Variants in TMEM184C observed in about 807,000 individuals in gnomAD.
The protein encoded by TMEM184C is transmembrane protein 34.
In TMEM184C, 25 loss-of-function variants were observed where a neutral mutation model predicts 54.5. The ratio of observed to expected loss-of-function variants is 0.46; its 90% CI spans 0.33 to 0.64. The LOEUF is 0.64. Ranked by LOEUF, TMEM184C falls within the 30% of genes least tolerant of loss-of-function variation. TMEM184C has a pLI of 0.02. For missense variants in TMEM184C, 335 were observed against 520.3 expected (o/e 0.64, Z 3.46); for synonymous variants, 148 against 181.5 (o/e 0.82, Z 1.49).
chr4:147,629,854 A>C (rs1477849334), intron 6 of TMEM184C, among the ~76,000 whole-genome samples, 162 bp downstream of exon 6: 1 of 151,552 alleles, frequency 6.6e-6, no homozygotes, highest in Non-Finnish European at 1.5e-5. Flanking sequence ...AAAATTTAAT[A>C]TATATCTTAA....
chr4:147,620,160 T>C (rs1486100484), intron 1 of TMEM184C, among the ~76,000 whole-genome samples: 1 of 152,222 alleles, frequency 6.6e-6, no homozygotes, highest in East Asian at 1.9e-4. Flanking sequence ...CTGACTACTC[T>C]ATTTAACATT....
chr4:147,624,539 A>G (rs1732774443), intron 3 of TMEM184C, among the ~76,000 whole-genome samples: 2 of 152,176 alleles, frequency 1.3e-5, no homozygotes, highest in Admixed American at 1.3e-4. Context: ...TAAGAACACA[A>G]GTACTTACTT....
At chr4:147,631,324 T>C in intron 6 of TMEM184C, 69 bp from the exon 7 acceptor site, 1 of 1,169,204 alleles carries the variant, frequency 8.6e-7, no homozygotes, top group South Asian at 1.5e-5. Flanking sequence ...AGGTCTCTGG[T>C]ATGTAACTTT....
chr4:147,623,851 G>T lies in TMEM184C; in HGVS notation c.141G>T (p.Lys47Asn). Residue 47 changes from lysine to asparagine, a missense_variant, in exon 2 of 10, where the codon AAG becomes AAT. Lys to Asn is a moderately conservative substitution (Grantham distance 94, BLOSUM62 0). Transcript: ENST00000296582. Reference sequence around the variant, plus strand: ...TTCTTAAGGTTGGAATACACACCAAGGCTTGGTTTATTGCTGGAATCTTTT... The same window carrying T: ...TTCTTAAGGTTGGAATACACACCAATGCTTGGTTTATTGCTGGAATCTTTT... ...LQKLEVGIHTKAWFIAGIFLL... is the reference protein window; with the variant it reads ...LQKLEVGIHTNAWFIAGIFLL... 6.2e-7 allele frequency: 1 copy of T among 1,613,816 alleles called. No homozygotes were observed. The highest frequency in any genetic ancestry group is 8.5e-7 in the Non-Finnish European group (1 of 1,179,928).
At position 147,624,919 on chromosome 4, in the gene TMEM184C, G is replaced by A. The variant is rs758084153; in HGVS notation, c.407G>A (p.Arg136Gln). ...MGFLTNYLTN[R>Q]YPNLVLILEA... ...TTCCTTACCAATTATCTAACTAACC[G>A]GTATCCAAATCTGGTATTAATCCTT... Residue 136 changes from arginine (R) to glutamine (Q), a missense_variant, in exon 4 of 10, where the codon CGG (arginine) becomes CAG (glutamine). Physicochemically the swap from Arg to Gln is conservative, Grantham distance 43 (BLOSUM62 1). Transcript: ENST00000296582. 1.7e-5 allele frequency: 27 copies of A among 1,613,696 alleles called. No individual in the cohort carries two copies. The highest frequency in any genetic ancestry group is 3.3e-5 in the Admixed American group (2 of 59,994).
chr4:147,621,623 G>A (rs1375227144), intron 1 of TMEM184C, among the ~76,000 whole-genome samples: 3 of 152,076 alleles, frequency 2.0e-5, no homozygotes, highest in African/African-American at 7.2e-5. Context: ...AATTTCTTGT[G>A]CATGTAACTT....
intron 1 of TMEM184C, among the ~76,000 whole-genome samples, chr4:147,623,338 G>T (rs1208093597): frequency 6.6e-6 from 1 of 151,832 alleles, no homozygotes; most frequent in South Asian, 2.1e-4. Flanking sequence ...GGGAGGCTGA[G>T]GCAGGAGAAT....
At chr4:147,628,464 T>C (rs1560953551) in intron 5 of TMEM184C, 29 bp downstream of exon 5, 1 of 1,586,982 alleles carries the variant, frequency 6.3e-7, no homozygotes, top group Non-Finnish European at 8.6e-7. Context: ...TATGAACTTT[T>C]TTTTTCATCC....
chr4:147,624,460 A>G (rs1503862), intron 3 of TMEM184C, among the ~76,000 whole-genome samples: 7 of 152,302 alleles, frequency 4.6e-5, no homozygotes, highest in African/African-American at 1.7e-4. Context: ...TGCTTCTAAT[A>G]TGAGTAAATA....
rs199693141 is a variant in TMEM184C at position 147,621,985 on chromosome 4, C to CTT, written c.124-1847_124-1846dup. ...TGGCAATACTTTTTTTTCTTTTTTT[C>CTT]TTTCTTTTTTTTTTTTTGAGCCAGG... On this transcript the variant is annotated intron_variant, in intron 1 of 9. Transcript: ENST00000296582. 3.4e-4 allele frequency among the ~76,000 whole-genome samples: 18 copies of CTT among 53,266 alleles called. No individual in the cohort carries two copies. The East Asian group carries it at 4.2e-3, about 12-fold the overall frequency. The allele number at this position is 53,266 out of a possible 152,430, so 34.9% of individuals were successfully genotyped here. A position where few individuals can be genotyped will look rare whatever the true frequency, so the allele number is the denominator to read the frequency against.
rs898751318 is a variant in TMEM184C, at chr4:147,629,543, T to C, written c.573-56T>C. On this transcript the variant is annotated intron_variant, in intron 5 of 9. Transcript: ENST00000296582. ...CTAAATTTAAGTATTGCTATTGCTG[T>C]ATTTTGAAGTACGATTTTGATTTAA... 5.4e-6 allele frequency: 7 copies of C among 1,301,654 alleles called. No individual in the cohort carries two copies. The South Asian group carries it at 8.0e-5, about 15-fold the overall frequency. The allele number at this position is 1,301,654 out of a possible 1,614,324, so 80.6% of individuals were successfully genotyped here.
In TMEM184C at chr4:147,617,703, A is replaced by C; in HGVS notation, c.-254A>C. On this transcript the variant is annotated 5_prime_UTR_variant, in exon 1 of 10. Coordinates refer to ENST00000296582, the MANE Select transcript of TMEM184C (RefSeq NM_018241.3). ...GGATTCCACCGCAGTACAACCGGGTAGATGCGGGGTGGAGAAGAAAGGATG... is the reference window on the plus strand; with the variant it reads ...GGATTCCACCGCAGTACAACCGGGTCGATGCGGGGTGGAGAAGAAAGGATG... 2.4e-6 allele frequency: 1 copy of C among 420,576 alleles called. No individual in the cohort carries two copies. The highest frequency in any genetic ancestry group is 4.5e-6 in the Non-Finnish European group (1 of 222,870). 26.1% of individuals were successfully genotyped at this position (420,576 alleles called of 1,614,324 possible).
Position 147,634,268 on chromosome 4 carries a change from T to C in TMEM184C, c.1151T>C (p.Ile384Thr). 3.1e-6 allele frequency: 5 copies of C among 1,614,152 alleles called. No homozygotes were observed. The highest frequency in any genetic ancestry group is 4.2e-6 in the Non-Finnish European group (5 of 1,180,024). The change falls in exon 10 of 10, where the codon ATT (isoleucine) becomes ACT (threonine). Residue 384 changes from isoleucine (I) to threonine (T), a missense_variant. Coordinates refer to ENST00000296582, the MANE Select transcript of TMEM184C (RefSeq NM_018241.3). The stretch of plus-strand genomic sequence containing the variant: ...TTATCATCATCATCACAAGATGCAA[T>C]TTCCATTGCTTCTTCTATGCCACCT... ...SLLSSSSQDA[I>T]SIASSMPPSP...
At position 147,635,839 on chromosome 4, in the gene TMEM184C, C is replaced by T. The variant is rs942818911; in HGVS notation, c.*1405C>T. 3.3e-5 allele frequency: 5 copies of T among 151,968 alleles called. No homozygotes were observed. The highest frequency in any genetic ancestry group is 1.2e-4 in the African/African-American group (5 of 41,362). 9.4% of individuals were successfully genotyped at this position (151,968 alleles called of 1,614,324 possible). ...TACAAAAAGCATTAGCATTTTTATA[C>T]ATAAATAATGAAAATAATGACCTAA... On this transcript the variant is annotated 3_prime_UTR_variant, in exon 10 of 10. Transcript: ENST00000296582.
At chr4:147,633,117 G>A in intron 8 of TMEM184C, 115 bp downstream of exon 8, 1 of 797,734 alleles carries the variant, frequency 1.3e-6, no homozygotes, top group Non-Finnish European at 1.9e-6. Context: ...TCACTTTACA[G>A]GTGAGAAAAC....
At chr4:147,632,597 T>C (rs751304783) in intron 7 of TMEM184C, 42 of 257,838 alleles carry the variant, frequency 1.6e-4, no homozygotes, top group Admixed American at 1.5e-4. Flanking sequence ...AATATTCTTA[T>C]GTATACAACT....
At position 147,631,554 on chromosome 4, in the gene TMEM184C, A is replaced by G. The variant is rs762125829; in HGVS notation, c.779+49A>G. On this transcript the variant is annotated intron_variant, in intron 7 of 9. Coordinates refer to ENST00000296582, the MANE Select transcript of TMEM184C (RefSeq NM_018241.3). ...GTTCTCATTTTTTTAAGGGCAGTAA[A>G]AACCGTTGATTAAGGAGGATTTTTA... The G allele has an allele frequency of 2.2e-6, 3 of 1,383,982 alleles. No individual in the cohort carries two copies. The Admixed American group carries it at 5.6e-5, about 26-fold the overall frequency. 85.7% of individuals were successfully genotyped at this position (1,383,982 alleles called of 1,614,324 possible).
At chr4:147,620,692 T>A (rs1357680237) in intron 1 of TMEM184C, among the ~76,000 whole-genome samples, 2 of 152,040 alleles carry the variant, frequency 1.3e-5, no homozygotes, top group Non-Finnish European at 2.9e-5. Context: ...GGAGAAGCAG[T>A]GAGAGAAAGG....
chr4:147,632,789 G>A, intron 7 of TMEM184C, 114 bp from the exon 8 acceptor site: 2 of 716,834 alleles, frequency 2.8e-6, no homozygotes, highest in Admixed American at 2.6e-5. Flanking sequence ...TGTAAAGGCA[G>A]GGTGGTGGTG....
Sources: allele counts gnomAD v4.1 joint callset (sites outside exome capture counted in the v4.1 genomes callset), GRCh38; gene constraint gnomAD v4.1.1; transcripts MANE v1.5; gene names NCBI Gene and HGNC (gene_info 2026-07-23, HGNC 2026-07-21).